Variants in IL16 observed in about 807,000 individuals in gnomAD.
IL16 encodes the protein interleukin 16, also known as pro-interleukin-16.
In IL16, 67 loss-of-function variants were observed where a neutral mutation model predicts 110.1. The ratio of observed to expected loss-of-function variants is 0.61; its 90% CI spans 0.50 to 0.75. IL16 has a LOEUF of 0.75. Among genes scored for constraint, IL16 ranks in the 30% least tolerant of loss-of-function variants. The pLI, the probability that IL16 is intolerant of heterozygous loss-of-function variation, is 0.00. For missense variants in IL16, 1,545 were observed against 1,655.0 expected, an observed-to-expected ratio of 0.93 and a Z score of 1.15; for synonymous variants, 689 against 662.9, an observed-to-expected ratio of 1.04 and a Z score of -0.61.
intron 8 of IL16, among the ~76,000 whole-genome samples, chr15:81,281,479 T>C (rs1899176282): frequency 6.6e-6 from 1 of 152,232 alleles, no homozygotes; most frequent in Non-Finnish European, 1.5e-5. Flanking sequence ...GCTTCCACCC[T>C]GCTTTCTCCT....
intron 1 of IL16, among the ~76,000 whole-genome samples, chr15:81,190,113 C>T (rs541410433): frequency 6.6e-6 from 1 of 152,356 alleles, no homozygotes; most frequent in Non-Finnish European, 1.5e-5. Flanking sequence ...ACTCAACTGC[C>T]TCCACACCCT....
At chr15:81,292,049 G>A (rs185293007) in intron 11 of IL16, 454 of 445,924 alleles carry the variant, frequency 1.0e-3, no homozygotes, top group Admixed American at 1.9e-3. Flanking sequence ...GAGGGAGGAC[G>A]GAGCTGAGGT....
rs561290565 is a variant in IL16, at chr15:81,265,042, T to C, written c.422-617T>C. 2.0e-5 allele frequency among the ~76,000 whole-genome samples: 3 copies of C among 152,296 alleles called. No homozygotes were observed. The East Asian group carries it at 5.8e-4, about 29-fold the overall frequency. On this transcript the variant is annotated intron_variant, in intron 3 of 18. Transcript: ENST00000683961. ...CTGTGAAGGTTTTCCCAGCTGGATG[T>C]GGTAGGGTAGGGAGGTAGGGTAGAG...
chr15:81,192,189 G>A (rs1234879012), upstream of IL16, among the ~76,000 whole-genome samples: 1 of 152,214 alleles, frequency 6.6e-6, no homozygotes, highest in Non-Finnish European at 1.5e-5. Context: ...AATGCAAGAT[G>A]TTAATAGTAT....
In IL16 at chr15:81,312,430, C is replaced by T. The variant is rs549339999; in HGVS notation, c.*3632C>T. Reference sequence around the variant, plus strand: ...ACCTCCTGCCTCCGCCTCAGTAAGACGACAAGGAAAGGCAAATGCCCAAGG... The same window carrying T: ...ACCTCCTGCCTCCGCCTCAGTAAGATGACAAGGAAAGGCAAATGCCCAAGG... On this transcript the variant is annotated 3_prime_UTR_variant, in exon 19 of 19. Coordinates refer to ENST00000683961, the MANE Select transcript of IL16 (RefSeq NM_172217.5). 17 of 152,362 alleles carry T rather than the reference C, an allele frequency of 1.1e-4. No homozygotes were observed. Among genetic ancestry groups the T allele is most frequent in the African/African-American group, 2.4e-4 (10 of 41,580 alleles). 9.4% of individuals were successfully genotyped at this position (152,362 alleles called of 1,614,324 possible). A position where few individuals can be genotyped will look rare whatever the true frequency, so the allele number is the denominator to read the frequency against.
chr15:81,250,610 G>A (rs1309244419), intron 2 of IL16, among the ~76,000 whole-genome samples: 1 of 152,170 alleles, frequency 6.6e-6, no homozygotes, highest in African/African-American at 2.4e-5. Context: ...CTGCAGAGAA[G>A]ATTCAAATTT....
intron 12 of IL16, chr15:81,295,591 T>G (rs747091319): frequency 8.2e-6 from 8 of 976,428 alleles, no homozygotes; most frequent in Non-Finnish European, 1.1e-5. Context: ...AGGCCAATAT[T>G]TGGAGCTTCT....
intron 8 of IL16, among the ~76,000 whole-genome samples, chr15:81,281,073 C>T (rs1221071549): frequency 1.3e-5 from 2 of 152,200 alleles, no homozygotes; most frequent in African/African-American, 4.8e-5. Flanking sequence ...AAACAAGTAT[C>T]TTATGCAATT....
At chr15:81,230,111 G>C (rs1021727541) in intron 2 of IL16, among the ~76,000 whole-genome samples, 1 of 152,200 alleles carries the variant, frequency 6.6e-6, no homozygotes, top group Non-Finnish European at 1.5e-5. Context: ...GTGCATGAAA[G>C]TACTGATTAG....
rs527244124 is a variant in IL16 at position 81,231,377 on chromosome 15, T to C, written c.312+5666T>C. ...CTCTCTCTCTCTCTCTCTCTCTCTC[T>C]CTCTCCCTCTCTTAAGACAGGGTCT... On this transcript the variant is annotated intron_variant, in intron 2 of 18. Coordinates refer to ENST00000683961, the MANE Select transcript of IL16 (RefSeq NM_172217.5). Among the ~76,000 whole-genome samples the C allele has an allele frequency of 8.7e-3, 1,258 of 144,384 alleles. 35 individuals are homozygous for C. The highest frequency in any genetic ancestry group is 0.033 in the African/African-American group (1,204 of 36,774). The allele number at this position is 144,384 out of a possible 152,430, so 94.7% of individuals were successfully genotyped here. A position where few individuals can be genotyped will look rare whatever the true frequency, so the allele number is the denominator to read the frequency against.
intron 18 of IL16, 27 bp from the exon 19 acceptor site, chr15:81,308,578 A>C: frequency 6.5e-7 from 1 of 1,549,714 alleles, no homozygotes; most frequent in Non-Finnish European, 8.7e-7. Context: ...TCATCTGTGG[A>C]ACCCATTACC....
chr15:81,307,845 AG>A (rs1269851244), intron 18 of IL16, among the ~76,000 whole-genome samples: 1 of 152,254 alleles, frequency 6.6e-6, no homozygotes, highest in Non-Finnish European at 1.5e-5. Flanking sequence ...AGCTGTTAAA[AG>A]GAAACACAAA....
At chr15:81,286,015 T>A (rs1899434761) in intron 10 of IL16, among the ~76,000 whole-genome samples, 185 bp downstream of exon 10, 1 of 152,200 alleles carries the variant, frequency 6.6e-6, no homozygotes. Flanking sequence ...CTCCTAGATA[T>A]CAGAGGCAAT....
intron 10 of IL16, among the ~76,000 whole-genome samples, chr15:81,286,767 G>T (rs1268008891): frequency 6.6e-6 from 1 of 152,208 alleles, no homozygotes; most frequent in Admixed American, 6.5e-5. Context: ...CAATGTATTA[G>T]TCTGTTCTCC....
upstream of IL16, among the ~76,000 whole-genome samples, chr15:81,195,659 T>G (rs1895578795): frequency 6.6e-6 from 1 of 152,158 alleles, no homozygotes; most frequent in African/African-American, 2.4e-5. Flanking sequence ...TCCTACAGGT[T>G]GCACCTACAC....
intron 18 of IL16, among the ~76,000 whole-genome samples, 183 bp from the exon 19 acceptor site, chr15:81,308,422 C>T (rs17875584): frequency 0.024 from 3,603 of 152,278 alleles, 87 homozygotes; most frequent in Non-Finnish European, 0.032. Flanking sequence ...GAGCCTGGTG[C>T]CCTAACCTCT....
intron 3 of IL16, among the ~76,000 whole-genome samples, chr15:81,265,451 T>G (rs1231129438): frequency 8.5e-5 from 13 of 152,168 alleles, no homozygotes; most frequent in Non-Finnish European, 1.5e-5. Context: ...ATCTGCACCC[T>G]GCAGTACAGA....
chr15:81,204,401 C>T (rs1010748404), intron 1 of IL16, among the ~76,000 whole-genome samples: 3 of 152,064 alleles, frequency 2.0e-5, no homozygotes, highest in Non-Finnish European at 4.4e-5. Context: ...GTCTTGTGCC[C>T]GTTTTCAAAG....
chr15:81,182,750 T>C (rs1266886026), exon 1 of IL16: 1 of 589,080 alleles, frequency 1.7e-6, no homozygotes, highest in African/African-American at 1.9e-5. Flanking sequence ...TTAACTCATA[T>C]TCAAATACTC....
Sources: allele counts gnomAD v4.1 joint callset (sites outside exome capture counted in the v4.1 genomes callset), GRCh38; gene constraint gnomAD v4.1.1; transcripts MANE v1.5; gene names NCBI Gene and HGNC (gene_info 2026-07-23, HGNC 2026-07-21).